SMCHD1: variants seen among roughly 807,000 people sequenced by gnomAD.
SMCHD1 encodes the protein structural maintenance of chromosomes flexible hinge domain-containing protein 1.
Under a neutral mutation model 254.7 loss-of-function variants are expected in SMCHD1, and 78 were observed. That is an observed-to-expected ratio of 0.31 (90% confidence interval 0.26 to 0.37). SMCHD1 has a LOEUF of 0.37. SMCHD1 is among the 10% of genes least tolerant of loss of function. The probability of loss-of-function intolerance (pLI) is 1.00; values close to 1 mark genes in which losing one functional copy is unlikely to be tolerated. For synonymous variants in SMCHD1, 766 were observed against 794.9 expected, an observed-to-expected ratio of 0.96 and a Z score of 0.61; for missense variants, 1,840 against 2,408.1, an observed-to-expected ratio of 0.76 and a Z score of 4.94.
At chr18:2,773,947 A>T (rs34022974) in intron 41 of SMCHD1, among the ~76,000 whole-genome samples, 12,890 of 152,162 alleles carry the variant, frequency 0.085, 938 homozygotes, top group East Asian at 0.43. Flanking sequence ...ACCCTAGAAT[A>T]AATAATCGTA....
chr18:2,790,048 T>C (rs1297193057), intron 45 of SMCHD1, among the ~76,000 whole-genome samples: 1 of 152,050 alleles, frequency 6.6e-6, no homozygotes, highest in Non-Finnish European at 1.5e-5. Flanking sequence ...CTGGGCATGG[T>C]GGACGTGCCT....
intron 19 of SMCHD1, among the ~76,000 whole-genome samples, chr18:2,722,162 A>G (rs919836754): frequency 6.6e-5 from 10 of 152,148 alleles, no homozygotes; most frequent in Admixed American, 3.3e-4. Flanking sequence ...GCTCTTTCCT[A>G]TGAAAAGGTA....
chr18:2,784,441 T>C lies in SMCHD1; in HGVS notation c.5548-9T>C. On this transcript the variant is annotated splice_polypyrimidine_tract_variant and intron_variant, in intron 44 of 47. Transcript: ENST00000320876. ...TGCTCACTACTTACTATTCACTTAT[T>C]TACAATAGGTTGTTAAAATTACACA... 6.3e-7 allele frequency: 1 copy of C among 1,597,912 alleles called. No individual in the cohort carries two copies. The highest frequency in any genetic ancestry group is 1.1e-5 in the South Asian group (1 of 87,644).
intron 15 of SMCHD1, 187 bp from the exon 16 acceptor site, chr18:2,707,376 T>C (rs1419692583): frequency 5.4e-6 from 2 of 368,228 alleles, no homozygotes; most frequent in East Asian, 4.1e-5. Flanking sequence ...TCTTCTTTTT[T>C]TTCAGTAGCC....
Position 2,718,377 on chromosome 18 carries a change from G to A in SMCHD1, c.2401G>A (p.Ala801Thr), listed in dbSNP as rs779024826. Residue 801 changes from alanine (A) to threonine (T), a missense_variant, in exon 19 of 48, where the codon GCA becomes ACA. Coordinates refer to ENST00000320876, the MANE Select transcript of SMCHD1 (RefSeq NM_015295.3). The surrounding 1 kb of genome is among the most constrained non-coding windows in gnomAD (Gnocchi z 4.6). ...ACAAGTTGTGTTGAATGAAAGTAAT[G>A]CAGACACTTATGCAGGAAGACCACT... ...KLQVVLNESN[A>T]DTYAGRPLPS... The A allele has an allele frequency of 3.7e-6, 6 of 1,612,564 alleles. No homozygotes were observed. Among genetic ancestry groups the A allele is most frequent in the Non-Finnish European group, 5.1e-6 (6 of 1,179,046 alleles).
intron 3 of SMCHD1, among the ~76,000 whole-genome samples, chr18:2,668,785 G>C (rs2073511855): frequency 6.6e-6 from 1 of 152,118 alleles, no homozygotes; most frequent in Admixed American, 6.6e-5. Context: ...GTCACCAACA[G>C]CTAAATCCAG....
intron 24 of SMCHD1, among the ~76,000 whole-genome samples, chr18:2,730,758 A>C (rs560531217): frequency 1.9e-4 from 29 of 152,310 alleles, no homozygotes; most frequent in Non-Finnish European, 3.2e-4. Context: ...CATAGCTTGA[A>C]CCTCAAATGG....
chr18:2,749,379 T>C (rs565934837), intron 30 of SMCHD1, among the ~76,000 whole-genome samples: 4 of 152,352 alleles, frequency 2.6e-5, no homozygotes, highest in East Asian at 1.9e-4. Flanking sequence ...TTCACTGTTA[T>C]TCTGAATGTT....
chr18:2,750,114 T>C lies in SMCHD1; in HGVS notation c.3999T>C (p.Phe1333=). The C allele has an allele frequency of 6.3e-7, 1 of 1,578,840 alleles. No homozygotes were observed. Among genetic ancestry groups the C allele is most frequent in the Non-Finnish European group, 8.6e-7 (1 of 1,160,548 alleles). Residue 1333 remains phenylalanine, a synonymous_variant, in exon 31 of 48, where the codon TTT becomes TTC. Transcript: ENST00000320876. ...GRANLGVFSV[F]APRGEHTLQV... is the part of the protein sequence containing the mutation. ...CTAATTTGGGAGTATTCAGTGTTTT[T>C]GCCCCTAGGTAAGAACCAAAAGTTT...
intron 45 of SMCHD1, among the ~76,000 whole-genome samples, chr18:2,791,540 C>G (rs1276784160): frequency 1.3e-5 from 2 of 152,168 alleles, no homozygotes; most frequent in Non-Finnish European, 2.9e-5. Context: ...GAGTGAGGCT[C>G]TGTCTCAAAA....
chr18:2,702,253 A>G (rs2143199038), intron 12 of SMCHD1: 1 of 142,960 alleles, frequency 7.0e-6, no homozygotes, highest in East Asian at 2.1e-4. Flanking sequence ...CAGGAGTTCA[A>G]GACCAGCGTG....
rs969462519 is a variant in SMCHD1, at chr18:2,696,107, T to G, written c.1041-925T>G. Reference sequence around the variant, plus strand: ...GAACAATGTTACCAAAATATAATCTTTTTTAACCTTTTCTGAAAAAATAAA... The same window carrying G: ...GAACAATGTTACCAAAATATAATCTGTTTTAACCTTTTCTGAAAAAATAAA... On this transcript the variant is annotated intron_variant, in intron 8 of 47. Transcript: ENST00000320876. Among the ~76,000 whole-genome samples the G allele has an allele frequency of 7.2e-5, 11 of 152,334 alleles. No homozygotes were observed. The East Asian group carries it at 1.7e-3, about 24-fold the overall frequency.
chr18:2,764,373 TATA>T (rs2075834056), intron 37 of SMCHD1, among the ~76,000 whole-genome samples: 1 of 152,178 alleles, frequency 6.6e-6, no homozygotes, highest in Non-Finnish European at 1.5e-5. Flanking sequence ...ATTGTGCCTT[TATA>T]AAAATCTTTT....
At chr18:2,754,854 G>A (rs1287033692) in intron 34 of SMCHD1, among the ~76,000 whole-genome samples, 1 of 151,486 alleles carries the variant, frequency 6.6e-6, no homozygotes, top group East Asian at 1.9e-4. Flanking sequence ...TATAGTGTGA[G>A]GCCAGGTGCG....
chr18:2,658,539 C>T (rs2073141637), intron 1 of SMCHD1, among the ~76,000 whole-genome samples: 1 of 152,118 alleles, frequency 6.6e-6, no homozygotes, highest in Non-Finnish European at 1.5e-5. Context: ...CTCCTTCCTC[C>T]CACTTTATCC....
rs7240773 is a variant in SMCHD1 at position 2,717,576 on chromosome 18, A to G, written c.2261-582A>G. On this transcript the variant is annotated intron_variant, in intron 17 of 47. Coordinates refer to ENST00000320876, the MANE Select transcript of SMCHD1 (RefSeq NM_015295.3). ...TCAAATTCTTGGCCTCAGCCTTCCA[A>G]AGTGCTGCGATTACAGGCATGAGCC... Among the ~76,000 whole-genome samples the G allele has an allele frequency of 9.3e-3, 1,422 of 152,194 alleles. 16 individuals are homozygous for G. Among genetic ancestry groups the G allele is most frequent in the African/African-American group, 0.032 (1,347 of 41,540 alleles).
chr18:2,781,904 C>T (rs2076162964), intron 44 of SMCHD1, among the ~76,000 whole-genome samples: 1 of 152,040 alleles, frequency 6.6e-6, no homozygotes, highest in South Asian at 2.1e-4. Flanking sequence ...ATCAGAGTAT[C>T]AAGAGGAGAG....
intron 44 of SMCHD1, among the ~76,000 whole-genome samples, chr18:2,783,969 C>T (rs375497086): frequency 6.6e-6 from 1 of 152,308 alleles, no homozygotes. Context: ...ATTATCACCT[C>T]TTTATCTTCC....
rs759454543 is a variant in SMCHD1 at position 2,666,252 on chromosome 18, A to C, written c.262+20A>C. ...ATTTTGGTAGGTAAACAGTGTTACT[A>C]AGTTGATGCTTTTATATTTAATAAG... On this transcript the variant is annotated intron_variant, in intron 2 of 47. Transcript: ENST00000320876. 1.7e-6 allele frequency: 2 copies of C among 1,180,256 alleles called. No homozygotes were observed. Among genetic ancestry groups the C allele is most frequent in the Non-Finnish European group, 2.5e-6 (2 of 804,802 alleles). The allele number at this position is 1,180,256 out of a possible 1,614,324, so 73.1% of individuals were successfully genotyped here.
Sources: allele counts gnomAD v4.1 joint callset (sites outside exome capture counted in the v4.1 genomes callset), GRCh38; gene constraint gnomAD v4.1.1; non-coding constraint Gnocchi (gnomAD v3.1); transcripts MANE v1.5; gene names NCBI Gene and HGNC (gene_info 2026-07-23, HGNC 2026-07-21).